Variants in EPHA6 observed in about 807,000 individuals in gnomAD.
EPHA6 encodes the protein ephrin type-A receptor 6.
Under a neutral mutation model 112.0 loss-of-function variants are expected in EPHA6, and 50 were observed. The observed-to-expected ratio is 0.45, with a 90% CI of 0.36 to 0.56. The LOEUF (loss-of-function observed/expected upper bound fraction) is 0.56, where lower values mean the gene tolerates loss of function less well. Among genes scored for constraint, EPHA6 ranks in the 20% least tolerant of loss-of-function variants. The probability of loss-of-function intolerance (pLI) is 0.00; values close to 1 mark genes in which losing one functional copy is unlikely to be tolerated. For synonymous variants in EPHA6, 529 were observed against 490.7 expected, an observed-to-expected ratio of 1.08 and a Z score of -1.03; for missense variants, 1,280 against 1,417.4, an observed-to-expected ratio of 0.90 and a Z score of 1.56.
At chr3:97,204,302 A>T (rs544158178) in intron 3 of EPHA6, among the ~76,000 whole-genome samples, 1 of 152,254 alleles carries the variant, frequency 6.6e-6, no homozygotes, top group East Asian at 1.9e-4. Context: ...ATATAAATGA[A>T]TCATTACAGA....
At chr3:97,727,627 A>G (rs747691367) in intron 15 of EPHA6, among the ~76,000 whole-genome samples, 6 of 152,072 alleles carry the variant, frequency 3.9e-5, no homozygotes, top group Non-Finnish European at 5.9e-5. Flanking sequence ...ACACTACAGC[A>G]AATTGCTAAA....
At chr3:97,186,002 A>G (rs1211266717) in intron 3 of EPHA6, among the ~76,000 whole-genome samples, 1 of 148,694 alleles carries the variant, frequency 6.7e-6, no homozygotes, top group South Asian at 2.2e-4. Flanking sequence ...CATAGGTGGG[A>G]ATTGAACAAT....
chr3:97,395,812 A>C (rs1300043808), intron 5 of EPHA6, among the ~76,000 whole-genome samples: 1 of 151,788 alleles, frequency 6.6e-6, no homozygotes, highest in Non-Finnish European at 1.5e-5. Context: ...AAGTAAATGA[A>C]GAAAGAAAAG....
intron 14 of EPHA6, among the ~76,000 whole-genome samples, chr3:97,690,469 CTTT>C (rs149089843): frequency 1.4e-5 from 2 of 142,428 alleles, no homozygotes. Flanking sequence ...ACTTTTCGCC[CTTT>C]TTTTTTTTTT....
At chr3:97,164,605 A>G (rs555642133) in intron 3 of EPHA6, among the ~76,000 whole-genome samples, 7 of 152,256 alleles carry the variant, frequency 4.6e-5, no homozygotes, top group Admixed American at 3.9e-4. Context: ...AGTATTACTC[A>G]GATATAACTG....
intron 11 of EPHA6, among the ~76,000 whole-genome samples, chr3:97,551,430 C>G (rs774516005): frequency 6.6e-6 from 1 of 152,138 alleles, no homozygotes; most frequent in Admixed American, 6.6e-5. Context: ...TCATTTTTCT[C>G]TCATCACAAT....
chr3:97,083,299 T>G (rs1416606451), intron 3 of EPHA6, among the ~76,000 whole-genome samples: 2 of 152,052 alleles, frequency 1.3e-5, no homozygotes, highest in African/African-American at 2.4e-5. Flanking sequence ...CATTCTTTAG[T>G]GTGACAGTGA....
chr3:97,192,136 T>G (rs1279430873), intron 3 of EPHA6, among the ~76,000 whole-genome samples: 2 of 152,052 alleles, frequency 1.3e-5, no homozygotes, highest in Non-Finnish European at 2.9e-5. Context: ...GTTTTTTTGT[T>G]TTTTATTTTG....
At chr3:97,338,408 T>C (rs2083156547) in intron 5 of EPHA6, among the ~76,000 whole-genome samples, 1 of 152,156 alleles carries the variant, frequency 6.6e-6, no homozygotes, top group Non-Finnish European at 1.5e-5. Flanking sequence ...TGTGAGCATC[T>C]ACCCAGATCA....
intron 5 of EPHA6, among the ~76,000 whole-genome samples, chr3:97,341,927 G>A (rs1299703446): frequency 1.3e-5 from 2 of 152,150 alleles, no homozygotes; most frequent in African/African-American, 4.8e-5. Context: ...AAAGACAATT[G>A]TGAAGAATGA....
chr3:97,632,017 C>T (rs1262708448), intron 13 of EPHA6, among the ~76,000 whole-genome samples: 1 of 151,932 alleles, frequency 6.6e-6, no homozygotes, highest in African/African-American at 2.4e-5. Flanking sequence ...TTCCCTTTTC[C>T]TCACTCTTCA....
Position 96,967,740 on chromosome 3 carries a change from G to A in EPHA6, c.451-19590G>A, listed in dbSNP as rs1165996777. Among the ~76,000 whole-genome samples the A allele has an allele frequency of 4.0e-5, 6 of 151,498 alleles. No individual in the cohort carries two copies. The South Asian group carries it at 1.0e-3, about 26-fold the overall frequency. ...TGGAAGTTCCTTTGTTAAGCACTTC[G>A]ATTGATTTTTGTGATCAAGTTTGGA... On this transcript the variant is annotated intron_variant, in intron 2 of 17. Coordinates refer to ENST00000389672, the MANE Select transcript of EPHA6 (RefSeq NM_001080448.3).
At chr3:97,422,891 A>G (rs189931669) in intron 6 of EPHA6, among the ~76,000 whole-genome samples, 14 of 152,330 alleles carry the variant, frequency 9.2e-5, no homozygotes, top group Admixed American at 7.2e-4. Flanking sequence ...AAATAAAACT[A>G]AAAACAAAAA....
intron 14 of EPHA6, among the ~76,000 whole-genome samples, chr3:97,691,558 A>G (rs908609312): frequency 6.6e-6 from 1 of 152,298 alleles, no homozygotes; most frequent in East Asian, 1.9e-4. Flanking sequence ...GTGGTTAGGG[A>G]AAGGGTTACT....
intron 3 of EPHA6, among the ~76,000 whole-genome samples, chr3:97,045,502 A>G (rs2045474003): frequency 6.6e-6 from 1 of 151,936 alleles, no homozygotes; most frequent in Non-Finnish European, 1.5e-5. Context: ...CTTCCTGGGA[A>G]AGAAAGAAAA....
chr3:97,281,032 AT>A (rs2080266277), intron 5 of EPHA6, among the ~76,000 whole-genome samples: 1 of 152,204 alleles, frequency 6.6e-6, no homozygotes, highest in African/African-American at 2.4e-5. Flanking sequence ...TTTCTGTACT[AT>A]TTTTAAATTA....
At chr3:96,994,759 A>AGAGAGAGAGAGAGAGAGAGAGAGAGC (rs763682996) in intron 3 of EPHA6, among the ~76,000 whole-genome samples, 52 of 116,192 alleles carry the variant, frequency 4.5e-4, no homozygotes, top group African/African-American at 7.5e-4. Flanking sequence ...AGAGAGAGAG[A>AGAGAGAGAGAGAGAGAGAGAGAGAGC]GAGCTATATA....
rs1167438884 is a variant in EPHA6, at chr3:97,615,699, C to T, written c.2574+4845C>T. Among the ~76,000 whole-genome samples the T allele has an allele frequency of 2.6e-5, 4 of 152,290 alleles. No individual in the cohort carries two copies. The East Asian group carries it at 5.8e-4, about 22-fold the overall frequency. On this transcript the variant is annotated intron_variant, in intron 13 of 17. Transcript: ENST00000389672. Reference sequence around the variant, plus strand: ...GAAGGGATCCCCCAACACAGCACATCTGCTCTACCAAAACATGTCCAGATT... The same window carrying T: ...GAAGGGATCCCCCAACACAGCACATTTGCTCTACCAAAACATGTCCAGATT...
At chr3:97,621,233 T>C (rs1393678451) in intron 13 of EPHA6, among the ~76,000 whole-genome samples, 1 of 151,354 alleles carries the variant, frequency 6.6e-6, no homozygotes, top group Non-Finnish European at 1.5e-5. Flanking sequence ...GGACAACACA[T>C]AGAAGGGAAC....
Sources: allele counts gnomAD v4.1 joint callset (sites outside exome capture counted in the v4.1 genomes callset), GRCh38; gene constraint gnomAD v4.1.1; transcripts MANE v1.5; gene names NCBI Gene and HGNC (gene_info 2026-07-23, HGNC 2026-07-21).